KCNMA1: variants seen among roughly 807,000 people sequenced by gnomAD.
KCNMA1 encodes Calcium-activated potassium channel subunit alpha-1.
In KCNMA1, 29 loss-of-function variants were observed where a neutral mutation model predicts 140.0. The ratio of observed to expected loss-of-function variants is 0.21; its 90% CI spans 0.15 to 0.28. The LOEUF is 0.28. Among genes scored for constraint, KCNMA1 ranks in the 10% least tolerant of loss-of-function variants. The pLI is 1.00. For missense variants in KCNMA1, 880 were observed against 1,602.2 expected, an observed-to-expected ratio of 0.55 and a Z score of 7.70; for synonymous variants, 612 against 611.9, an observed-to-expected ratio of 1.00 and a Z score of 0.00.
intron 3 of KCNMA1, among the ~76,000 whole-genome samples, chr10:77,206,115 G>A (rs1026565067): frequency 2.0e-5 from 3 of 152,148 alleles, no homozygotes; most frequent in Non-Finnish European, 4.4e-5. Flanking sequence ...CCCATAAGGC[G>A]AGAGAACATT....
At chr10:77,366,087 C>G (rs978921253) in intron 2 of KCNMA1, among the ~76,000 whole-genome samples, 3 of 152,048 alleles carry the variant, frequency 2.0e-5, no homozygotes, top group African/African-American at 7.2e-5. Context: ...TTTGCAAATT[C>G]TCAGGTACTA....
rs370771543 is a variant in KCNMA1 at position 77,025,998 on chromosome 10, A to AAATAT, written c.1928+1824_1928+1825insATATT. 1.6e-3 allele frequency among the ~76,000 whole-genome samples: 221 copies of AAATAT among 139,922 alleles called. 1 individual carries two copies. Among genetic ancestry groups the AAATAT allele is most frequent in the African/African-American group, 5.4e-3 (207 of 38,630 alleles). The allele number at this position is 139,922 out of a possible 152,430, so 91.8% of individuals were successfully genotyped here. On this transcript the variant is annotated intron_variant, in intron 16 of 27. Coordinates refer to ENST00000286628, the MANE Select transcript of KCNMA1 (RefSeq NM_001161352.2). Reference sequence around the variant, plus strand: ...TTTGCCCTTTTCTGAAGAAAAAAAAAATATATATATATATATATATACTAA... The same window carrying AAATAT: ...TTTGCCCTTTTCTGAAGAAAAAAAAAAATATATATATATATATATATATATACTAA...
At chr10:77,354,841 G>A (rs1038955962) in intron 2 of KCNMA1, among the ~76,000 whole-genome samples, 12 of 152,174 alleles carry the variant, frequency 7.9e-5, no homozygotes, top group African/African-American at 2.2e-4. Context: ...ATTATGTCTT[G>A]GAGCTATATA....
At chr10:77,357,656 G>A (rs752185472) in intron 2 of KCNMA1, among the ~76,000 whole-genome samples, 9 of 152,120 alleles carry the variant, frequency 5.9e-5, no homozygotes, top group South Asian at 2.1e-4. Flanking sequence ...CCCATGAGAC[G>A]CAATAATTTA....
At chr10:76,869,801 T>C (rs1035959647) in exon 28 of KCNMA1, 2 of 152,610 alleles carry the variant, frequency 1.3e-5, no homozygotes, top group Non-Finnish European at 2.9e-5. Flanking sequence ...TTAATCATAA[T>C]CATAATCATA....
intron 14 of KCNMA1, among the ~76,000 whole-genome samples, chr10:77,049,016 G>A (rs557016063): frequency 2.5e-4 from 38 of 152,146 alleles, no homozygotes; most frequent in Non-Finnish European, 4.6e-4. Context: ...CACCCGCCTC[G>A]GCCTCCCAAA....
chr10:77,413,254 A>G (rs575974953), intron 1 of KCNMA1, among the ~76,000 whole-genome samples: 25 of 152,098 alleles, frequency 1.6e-4, no homozygotes, highest in Non-Finnish European at 2.8e-4. Context: ...TCTGAACCTC[A>G]ATACCTTAGG....
chr10:77,627,875 G>A (rs991162349), intron 1 of KCNMA1, among the ~76,000 whole-genome samples: 2 of 152,234 alleles, frequency 1.3e-5, no homozygotes, highest in African/African-American at 4.8e-5. Flanking sequence ...CACAGGGCCT[G>A]AGGCCCCAAA....
At chr10:77,604,308 T>G (rs2083638730) in intron 1 of KCNMA1, among the ~76,000 whole-genome samples, 1 of 152,190 alleles carries the variant, frequency 6.6e-6, no homozygotes, top group Non-Finnish European at 1.5e-5. Context: ...AAAAAGCCTC[T>G]TTTGTCAAGG....
chr10:77,449,332 T>C (rs2097583754), intron 1 of KCNMA1, among the ~76,000 whole-genome samples: 1 of 152,108 alleles, frequency 6.6e-6, no homozygotes, highest in Non-Finnish European at 1.5e-5. Flanking sequence ...CTATTAAAAA[T>C]AGTTTTGAAA....
chr10:77,122,545 T>C (rs962121118), intron 5 of KCNMA1, among the ~76,000 whole-genome samples: 1 of 149,008 alleles, frequency 6.7e-6, no homozygotes, highest in Non-Finnish European at 1.5e-5. Context: ...AGAGAAAATA[T>C]GAGAAAGGGA....
chr10:77,159,720 C>T (rs577502141), intron 5 of KCNMA1, among the ~76,000 whole-genome samples: 123 of 152,272 alleles, frequency 8.1e-4, no homozygotes, highest in African/African-American at 2.8e-3. Context: ...CCAGCCAGAA[C>T]ACCACCTCCT....
At position 77,096,956 on chromosome 10, in the gene KCNMA1, G is replaced by A. The variant is rs536724858; in HGVS notation, c.1224-6446C>T. 3.3e-5 allele frequency among the ~76,000 whole-genome samples: 5 copies of A among 152,270 alleles called. No individual in the cohort carries two copies. The South Asian group carries it at 1.0e-3, about 32-fold the overall frequency. Reference sequence around the variant, plus strand: ...TAAGAAGTACTTCTCAAGAGAACCAGCAGCACTGTATCATACAGGAAGCAG... The same window carrying A: ...TAAGAAGTACTTCTCAAGAGAACCAACAGCACTGTATCATACAGGAAGCAG... On this transcript the variant is annotated intron_variant, in intron 9 of 27. Coordinates refer to ENST00000286628, the MANE Select transcript of KCNMA1 (RefSeq NM_001161352.2).
chr10:77,271,787 G>C (rs993424694), intron 2 of KCNMA1, among the ~76,000 whole-genome samples: 2 of 152,140 alleles, frequency 1.3e-5, no homozygotes, highest in East Asian at 1.9e-4. Flanking sequence ...ATTATACATT[G>C]ATTCACCTGA....
At chr10:77,446,631 T>C (rs553910832) in intron 1 of KCNMA1, among the ~76,000 whole-genome samples, 2 of 152,312 alleles carry the variant, frequency 1.3e-5, no homozygotes, top group South Asian at 4.1e-4. Context: ...AGGCAATAAC[T>C]TGGAGGACAA....
Position 77,510,754 on chromosome 10 carries a change from C to T in KCNMA1, c.379-106731G>A, listed in dbSNP as rs185338913. Among the ~76,000 whole-genome samples, 210 of 152,190 alleles carry T rather than the reference C, an allele frequency of 1.4e-3. 2 individuals are homozygous for T. Among genetic ancestry groups the T allele is most frequent in the African/African-American group, 4.6e-3 (192 of 41,556 alleles). On this transcript the variant is annotated intron_variant, in intron 1 of 27. Coordinates refer to ENST00000286628, the MANE Select transcript of KCNMA1 (RefSeq NM_001161352.2). ...TCAAGGCTGCAGCGAGCTATGACAG[C>T]GCCACTGCACTCCAGCCTGAGCAAC...
At chr10:76,937,738 T>C (rs900037088) in intron 23 of KCNMA1, among the ~76,000 whole-genome samples, 2 of 152,182 alleles carry the variant, frequency 1.3e-5, no homozygotes, top group East Asian at 3.9e-4. Flanking sequence ...TAATGCTATC[T>C]CTCCAAGGAC....
intron 1 of KCNMA1, among the ~76,000 whole-genome samples, chr10:77,558,429 C>T (rs2065281283): frequency 6.6e-6 from 1 of 152,100 alleles, no homozygotes; most frequent in Admixed American, 6.6e-5. Context: ...ACAACCAAGG[C>T]CCTGGAAGAC....
At position 77,637,268 on chromosome 10, in the gene KCNMA1, C is replaced by T. The variant is rs1349036007; in HGVS notation, c.375G>A (p.Thr125=). The change falls in exon 1 of 28, where the codon ACG becomes ACA. Residue 125 remains threonine (T), a synonymous_variant. Transcript: ENST00000286628. ...GGGCGCCCGGGGCGCGCGTTACCTT[C>T]GTCTTGCCCCCGCAGTGGCAGCACA... ...WTVCCHCGGK[T]KEAQKINNGS... is the part of the protein sequence containing the mutation. 2.5e-6 allele frequency: 4 copies of T among 1,605,750 alleles called. No homozygotes were observed. Among genetic ancestry groups the T allele is most frequent in the South Asian group, 1.1e-5 (1 of 90,306 alleles).
Sources: allele counts gnomAD v4.1 joint callset (sites outside exome capture counted in the v4.1 genomes callset), GRCh38; gene constraint gnomAD v4.1.1; transcripts MANE v1.5; gene names NCBI Gene and HGNC (gene_info 2026-07-23, HGNC 2026-07-21).